Variants in ARHGAP15 observed in about 807,000 individuals in gnomAD.
ARHGAP15 encodes Rho GTPase activating protein 15.
ARHGAP15 carries 51 observed loss-of-function variants against 63.7 expected under a neutral mutation model. The observed-to-expected ratio is 0.80, with a 90% CI of 0.64 to 1.01. The LOEUF (loss-of-function observed/expected upper bound fraction) is 1.01, where lower values mean the gene tolerates loss of function less well. ARHGAP15 is among the 50% of genes least tolerant of loss of function. The pLI is 0.00. For missense variants in ARHGAP15, 560 were observed against 564.6 expected, an observed-to-expected ratio of 0.99 and a Z score of 0.08; for synonymous variants, 191 against 193.8, an observed-to-expected ratio of 0.99 and a Z score of 0.12.
At chr2:143,413,966 T>TGTGTGTGTGCGCACGCGCGC in intron 6 of ARHGAP15, among the ~76,000 whole-genome samples, 1 of 117,910 alleles carries the variant, frequency 8.5e-6, no homozygotes, top group African/African-American at 3.5e-5. Flanking sequence ...TGTGTGTGTG[T>TGTGTGTGTGCGCACGCGCGC]GCGCGCTCTC....
At chr2:143,657,579 T>C (rs1192831050) in intron 12 of ARHGAP15, among the ~76,000 whole-genome samples, 2 of 152,196 alleles carry the variant, frequency 1.3e-5, no homozygotes, top group African/African-American at 2.4e-5. Context: ...ATAATGTTTT[T>C]CATAGCTATG....
intron 6 of ARHGAP15, among the ~76,000 whole-genome samples, chr2:143,401,798 T>C (rs576061073): frequency 6.6e-6 from 1 of 152,122 alleles, no homozygotes; most frequent in African/African-American, 2.4e-5. Context: ...TTCCTATCGG[T>C]GGTGTGTGTC....
At chr2:143,658,092 T>A (rs1485750239) in intron 12 of ARHGAP15, among the ~76,000 whole-genome samples, 1 of 152,240 alleles carries the variant, frequency 6.6e-6, no homozygotes, top group Non-Finnish European at 1.5e-5. Context: ...GAGCACTGGA[T>A]TCCTCTTGAG....
intron 6 of ARHGAP15, among the ~76,000 whole-genome samples, chr2:143,361,298 G>T (rs1465190322): frequency 2.4e-4 from 37 of 152,130 alleles, no homozygotes; most frequent in Admixed American, 2.2e-3. Flanking sequence ...CACCCAAGAG[G>T]CACGTGCCAA....
chr2:143,488,731 C>A (rs377577678), intron 9 of ARHGAP15, among the ~76,000 whole-genome samples: 1 of 152,180 alleles, frequency 6.6e-6, no homozygotes, highest in African/African-American at 2.4e-5. Flanking sequence ...CAGTTTCCGT[C>A]CATTTTGAAA....
At chr2:143,255,224 G>A (rs1384545425) in intron 6 of ARHGAP15, among the ~76,000 whole-genome samples, 1 of 151,954 alleles carries the variant, frequency 6.6e-6, no homozygotes, top group African/African-American at 2.4e-5. Flanking sequence ...TGCTTGAAAG[G>A]CAGAAAAAAT....
intron 1 of ARHGAP15, among the ~76,000 whole-genome samples, chr2:143,153,582 T>C (rs1428091081): frequency 6.6e-6 from 1 of 151,922 alleles, no homozygotes; most frequent in Non-Finnish European, 1.5e-5. Context: ...AATTTGTTCA[T>C]TTTTAACATG....
intron 5 of ARHGAP15, among the ~76,000 whole-genome samples, chr2:143,244,381 G>A (rs904705125): frequency 2.6e-5 from 4 of 152,168 alleles, no homozygotes; most frequent in Non-Finnish European, 5.9e-5. Context: ...GTGACTACCT[G>A]CAGAGGGAAA....
In ARHGAP15 at chr2:143,703,409, T is replaced by A. The variant is rs1684181899; in HGVS notation, c.1139-10T>A. On this transcript the variant is annotated splice_polypyrimidine_tract_variant and intron_variant, in intron 12 of 13. Coordinates refer to ENST00000295095, the MANE Select transcript of ARHGAP15 (RefSeq NM_018460.4). ...TTTTCCCTAACCTTCCTTTTTATTT[T>A]TTTTTCCAGAAAAGCAAGACAACAA... 1 of 1,597,244 alleles carries A rather than the reference T, an allele frequency of 6.3e-7. No individual in the cohort carries two copies. Among genetic ancestry groups the A allele is most frequent in the Admixed American group, 1.8e-5 (1 of 56,316 alleles).
intron 6 of ARHGAP15, among the ~76,000 whole-genome samples, chr2:143,327,931 G>A (rs1233351909): frequency 6.7e-6 from 1 of 150,246 alleles, no homozygotes; most frequent in Non-Finnish European, 1.5e-5. Context: ...TCCAAAAAGT[G>A]AGCAAAGGAT....
chr2:143,473,669 C>A (rs1237934469), intron 8 of ARHGAP15, among the ~76,000 whole-genome samples: 1 of 152,116 alleles, frequency 6.6e-6, no homozygotes, highest in South Asian at 2.1e-4. Context: ...AGGATGTGTG[C>A]GCACTGCCTC....
chr2:143,678,359 C>T (rs1227645192), intron 12 of ARHGAP15, among the ~76,000 whole-genome samples: 1 of 152,130 alleles, frequency 6.6e-6, no homozygotes, highest in Non-Finnish European at 1.5e-5. Flanking sequence ...TAAATACTAG[C>T]AAGTAGTTTT....
intron 6 of ARHGAP15, among the ~76,000 whole-genome samples, chr2:143,362,191 C>A (rs1686089139): frequency 6.6e-6 from 1 of 152,188 alleles, no homozygotes; most frequent in African/African-American, 2.4e-5. Context: ...CTATAATACC[C>A]TGAATTATCA....
intron 12 of ARHGAP15, chr2:143,648,762 A>G (rs916378115): frequency 3.9e-5 from 6 of 152,032 alleles, no homozygotes; most frequent in Admixed American, 1.3e-4. Context: ...GTAGTCACAA[A>G]TAAAATGTCC....
intron 6 of ARHGAP15, among the ~76,000 whole-genome samples, chr2:143,335,453 G>A (rs544516935): frequency 2.7e-5 from 4 of 146,726 alleles, no homozygotes; most frequent in African/African-American, 7.3e-5. Context: ...TCTGTGGGTA[G>A]TAGTCCCCCT....
chr2:143,277,473 A>C (rs1681617064), intron 6 of ARHGAP15, among the ~76,000 whole-genome samples: 1 of 151,736 alleles, frequency 6.6e-6, no homozygotes. Flanking sequence ...GACAGATAGA[A>C]CTTTTACTTT....
At chr2:143,342,985 C>T (rs1685127658) in intron 6 of ARHGAP15, among the ~76,000 whole-genome samples, 1 of 151,884 alleles carries the variant, frequency 6.6e-6, no homozygotes, top group Non-Finnish European at 1.5e-5. Flanking sequence ...TATTATTTTG[C>T]AAGTTGAGAA....
At chr2:143,545,692 T>C (rs971617249) in intron 10 of ARHGAP15, among the ~76,000 whole-genome samples, 2 of 152,074 alleles carry the variant, frequency 1.3e-5, no homozygotes, top group African/African-American at 4.8e-5. Flanking sequence ...ATTAATAATG[T>C]GTTATAAATA....
At chr2:143,212,244 G>C (rs1174707101) in intron 3 of ARHGAP15, among the ~76,000 whole-genome samples, 1 of 152,080 alleles carries the variant, frequency 6.6e-6, no homozygotes, top group Admixed American at 6.5e-5. Context: ...CTTGTCTGTC[G>C]CCTCCAACGT....
Sources: allele counts gnomAD v4.1 joint callset (sites outside exome capture counted in the v4.1 genomes callset), GRCh38; gene constraint gnomAD v4.1.1; transcripts MANE v1.5; gene names NCBI Gene and HGNC (gene_info 2026-07-23, HGNC 2026-07-21).